The following PCSK5 variants were observed in gnomAD, a reference collection of about 807,000 sequenced individuals.
PCSK5 encodes prohormone convertase 5.
Under a neutral mutation model 233.2 loss-of-function variants are expected in PCSK5, and 129 were observed. The ratio of observed to expected loss-of-function variants is 0.55; its 90% CI spans 0.48 to 0.64. The LOEUF is 0.64. PCSK5 is among the 30% of genes least tolerant of loss of function. PCSK5 has a pLI of 0.00. For synonymous variants in PCSK5, 825 were observed against 879.2 expected, an observed-to-expected ratio of 0.94 and a Z score of 1.09; for missense variants, 2,076 against 2,430.1, an observed-to-expected ratio of 0.85 and a Z score of 3.06.
At chr9:75,899,098 A>G (rs1825921128) in intron 1 of PCSK5, among the ~76,000 whole-genome samples, 1 of 152,214 alleles carries the variant, frequency 6.6e-6, no homozygotes, top group Admixed American at 6.5e-5. Context: ...GGATGATTCA[A>G]TAGGGCTTGG....
intron 8 of PCSK5, among the ~76,000 whole-genome samples, chr9:76,103,131 G>T (rs1320773676): frequency 6.6e-6 from 1 of 152,096 alleles, no homozygotes; most frequent in Non-Finnish European, 1.5e-5. Context: ...TTAGTCTTCG[G>T]TTCTTTTTTA....
chr9:75,986,059 T>A (rs1360056694), intron 2 of PCSK5, 73 bp from the exon 3 acceptor site: 1 of 853,280 alleles, frequency 1.2e-6, no homozygotes, highest in African/African-American at 1.7e-5. Flanking sequence ...CAATGGGAAA[T>A]GCCTCAGACT....
chr9:75,962,537 G>A (rs978866904), intron 2 of PCSK5, among the ~76,000 whole-genome samples: 1 of 152,234 alleles, frequency 6.6e-6, no homozygotes, highest in Non-Finnish European at 1.5e-5. Context: ...GTATTTGCAG[G>A]AGAACAGATA....
At chr9:75,889,973 C>A (rs934911647), upstream of PCSK5, among the ~76,000 whole-genome samples, 8 of 152,238 alleles carry the variant, frequency 5.3e-5, no homozygotes, top group African/African-American at 1.9e-4. Flanking sequence ...CGCAATCCAA[C>A]AAATGAATGG....
rs1563988513 is a variant in PCSK5 at position 76,040,353 on chromosome 9, C to G, written c.632+13316C>G. ...TCTCTCTCTCTCTCTCTCTCTCTCT[C>G]TCTCTCTCTCTCTCTCTCTCTCTCT... On this transcript the variant is annotated intron_variant, in intron 5 of 37. Coordinates refer to ENST00000674117, the MANE Select transcript of PCSK5 (RefSeq NM_001372043.1). Among the ~76,000 whole-genome samples the G allele has an allele frequency of 4.4e-3, 262 of 59,384 alleles. 3 individuals are homozygous for G. Among genetic ancestry groups the G allele is most frequent in the African/African-American group, 0.013 (144 of 11,048 alleles). The allele number at this position is 59,384 out of a possible 152,430, so 39.0% of individuals were successfully genotyped here.
intron 32 of PCSK5, among the ~76,000 whole-genome samples, chr9:76,325,591 G>A (rs746789560): frequency 1.3e-5 from 2 of 152,162 alleles, no homozygotes; most frequent in South Asian, 2.1e-4. Flanking sequence ...CCACTAGTGA[G>A]GACAGAGTTG....
intron 9 of PCSK5, among the ~76,000 whole-genome samples, chr9:76,116,113 G>A (rs938175259): frequency 6.6e-5 from 10 of 151,796 alleles, no homozygotes; most frequent in Admixed American, 4.6e-4. Context: ...AAGTAAATAA[G>A]GAAAATAAAA....
At chr9:76,178,392 A>C (rs1281367371) in intron 14 of PCSK5, among the ~76,000 whole-genome samples, 2 of 152,254 alleles carry the variant, frequency 1.3e-5, no homozygotes, top group African/African-American at 4.8e-5. Context: ...ACATCTAAGC[A>C]GGAATTTTTA....
chr9:76,271,272 T>C (rs1169706941), intron 24 of PCSK5, among the ~76,000 whole-genome samples: 1 of 152,098 alleles, frequency 6.6e-6, no homozygotes, highest in African/African-American at 2.4e-5. Context: ...AGGGAAAATA[T>C]GAATTAGATC....
At chr9:75,910,938 G>T (rs889102639) in intron 1 of PCSK5, among the ~76,000 whole-genome samples, 1 of 152,132 alleles carries the variant, frequency 6.6e-6, no homozygotes, top group African/African-American at 2.4e-5. Context: ...AAATGTGATG[G>T]TCTGAATTTC....
At chr9:76,311,757 C>A (rs1004334616) in intron 30 of PCSK5, among the ~76,000 whole-genome samples, 2 of 152,206 alleles carry the variant, frequency 1.3e-5, no homozygotes, top group South Asian at 4.1e-4. Context: ...CAGCGGCCAA[C>A]AAGGTCATCA....
chr9:76,347,702 C>T (rs1177969479), intron 35 of PCSK5, among the ~76,000 whole-genome samples: 1 of 146,714 alleles, frequency 6.8e-6, no homozygotes, highest in Non-Finnish European at 1.5e-5. Context: ...ACCAGCCTGG[C>T]CAACATGGTG....
At chr9:76,220,091 T>A (rs1825675600) in intron 20 of PCSK5, among the ~76,000 whole-genome samples, 1 of 152,110 alleles carries the variant, frequency 6.6e-6, no homozygotes, top group East Asian at 1.9e-4. Context: ...GCCCACTAAA[T>A]AAAGAGACTG....
At position 76,332,677 on chromosome 9, in the gene PCSK5, A is replaced by G. The variant is rs1029183478; in HGVS notation, c.4748+67A>G. 4.2e-6 allele frequency: 5 copies of G among 1,193,722 alleles called. No individual in the cohort carries two copies. The African/African-American group carries it at 7.6e-5, about 18-fold the overall frequency. 73.9% of individuals were successfully genotyped at this position (1,193,722 alleles called of 1,614,324 possible). ...ACAGCAGATATCAACCCATTTTACA[A>G]ATGAGGAAACTAAGATTCAGAACAC... On this transcript the variant is annotated intron_variant, in intron 34 of 37. Coordinates refer to ENST00000674117, the MANE Select transcript of PCSK5 (RefSeq NM_001372043.1).
At chr9:75,902,749 G>A (rs116271261) in intron 1 of PCSK5, among the ~76,000 whole-genome samples, 103 of 152,258 alleles carry the variant, frequency 6.8e-4, no homozygotes, top group African/African-American at 2.2e-3. Flanking sequence ...AGCTTACCCC[G>A]TATTTCATTC....
intron 5 of PCSK5, among the ~76,000 whole-genome samples, chr9:76,047,888 T>C (rs1829479674): frequency 6.6e-6 from 1 of 152,176 alleles, no homozygotes; most frequent in African/African-American, 2.4e-5. Context: ...AAATGAATCA[T>C]GTTTAAAGTT....
chr9:76,000,801 T>C (rs1192456166), intron 3 of PCSK5, among the ~76,000 whole-genome samples: 2 of 152,288 alleles, frequency 1.3e-5, no homozygotes, highest in East Asian at 3.9e-4. Flanking sequence ...GACTTCTAGG[T>C]CCTTTAATGT....
chr9:75,935,991 A>C (rs534980035), intron 2 of PCSK5, among the ~76,000 whole-genome samples: 18 of 152,340 alleles, frequency 1.2e-4, no homozygotes, highest in African/African-American at 4.1e-4. Flanking sequence ...CTCTTCAATA[A>C]AGCAAATATT....
At chr9:76,076,993 T>G (rs1830665775) in intron 7 of PCSK5, among the ~76,000 whole-genome samples, 1 of 152,218 alleles carries the variant, frequency 6.6e-6, no homozygotes, top group Admixed American at 6.5e-5. Flanking sequence ...ATAAATAACA[T>G]TTAATCTTCA....
Sources: gnomAD v4.1 joint callset for allele counts (sites outside exome capture counted in the v4.1 genomes callset) on GRCh38, gnomAD v4.1.1 for gene constraint, MANE v1.5 for transcripts, NCBI Gene and HGNC (gene_info 2026-07-23, HGNC 2026-07-21) for gene names.